Variants in INSC observed in about 807,000 individuals in gnomAD.
INSC encodes the protein protein inscuteable homolog.
Under a neutral mutation model 58.6 loss-of-function variants are expected in INSC, and 67 were observed. That is an observed-to-expected ratio of 1.14 (90% CI 0.94 to 1.40). The LOEUF is 1.40. INSC is among the 40% of genes most tolerant of loss of function. INSC has a pLI of 0.00. For synonymous variants in INSC, 262 were observed against 276.1 expected (o/e 0.95, Z 0.51); for missense variants, 714 against 692.0 (o/e 1.03, Z -0.36).
chr11:15,148,093 GT>G (rs1564869349), intron 1 of INSC, among the ~76,000 whole-genome samples: 1 of 152,152 alleles, frequency 6.6e-6, no homozygotes, highest in Non-Finnish European at 1.5e-5. Context: ...ATACAAACAG[GT>G]GGGTAGCTGG....
In INSC at chr11:15,203,440, C is replaced by T. The variant is rs186462402; in HGVS notation, c.819+2491C>T. Among the ~76,000 whole-genome samples the T allele has an allele frequency of 5.9e-5, 9 of 152,242 alleles. No individual in the cohort carries two copies. The East Asian group carries it at 1.7e-3, about 29-fold the overall frequency. ...AATAAGACTTACCCTGGTAAGAGCCCCTGAGTGATCAGAAATAACAACTAC... is the reference window on the plus strand; with the variant it reads ...AATAAGACTTACCCTGGTAAGAGCCTCTGAGTGATCAGAAATAACAACTAC... On this transcript the variant is annotated intron_variant, in intron 7 of 12. Transcript: ENST00000379556.
downstream of INSC, among the ~76,000 whole-genome samples, chr11:15,249,217 G>A (rs1435277921): frequency 6.6e-6 from 1 of 152,202 alleles, no homozygotes; most frequent in African/African-American, 2.4e-5. Flanking sequence ...GTAGAGATTG[G>A]ATCTGGGTAA....
At chr11:15,201,248 A>G (rs2133884292) in intron 7 of INSC, among the ~76,000 whole-genome samples, 1 of 151,792 alleles carries the variant, frequency 6.6e-6, no homozygotes, top group African/African-American at 2.4e-5. Context: ...GGAGGCAGGC[A>G]AGTCAGGTGT....
At chr11:15,170,623 C>T (rs750279275) in intron 2 of INSC, among the ~76,000 whole-genome samples, 5 of 152,146 alleles carry the variant, frequency 3.3e-5, no homozygotes, top group Non-Finnish European at 7.3e-5. Flanking sequence ...ATAGCGACTG[C>T]CAGGTTTCTC....
At chr11:15,126,379 C>T (rs60460691) in intron 1 of INSC, among the ~76,000 whole-genome samples, 1 of 152,176 alleles carries the variant, frequency 6.6e-6, no homozygotes, top group Non-Finnish European at 1.5e-5. Context: ...CCCTATAACT[C>T]GAAGCCACCT....
At chr11:15,203,764 G>A (rs1454152906) in intron 7 of INSC, among the ~76,000 whole-genome samples, 6 of 151,952 alleles carry the variant, frequency 3.9e-5, no homozygotes, top group Non-Finnish European at 8.8e-5. Context: ...GCAAGTTATG[G>A]TCCATGGGCT....
rs564255122 is a variant in INSC at position 15,232,652 on chromosome 11, G to GT, written c.1171-2946dup. Among the ~76,000 whole-genome samples, 586 of 152,218 alleles carry GT rather than the reference G, an allele frequency of 3.8e-3. 2 individuals carry two copies. Among genetic ancestry groups the GT allele is most frequent in the African/African-American group, 0.013 (558 of 41,538 alleles). ...TAAGTTACTTTATATAGCGACACGG[G>GT]TTTTCTAGATGCGATTGAGTTAAGA... On this transcript the variant is annotated intron_variant, in intron 9 of 12. Transcript: ENST00000379556.
At chr11:15,236,904 A>G (rs1259118955) in intron 10 of INSC, among the ~76,000 whole-genome samples, 1 of 152,236 alleles carries the variant, frequency 6.6e-6, no homozygotes, top group Non-Finnish European at 1.5e-5. Flanking sequence ...TTGAGCTAAT[A>G]ATGAGAAACT....
At chr11:15,143,226 A>G (rs116515401) in intron 1 of INSC, among the ~76,000 whole-genome samples, 316 of 152,326 alleles carry the variant, frequency 2.1e-3, no homozygotes, top group African/African-American at 6.5e-3. Flanking sequence ...TTTAATTACA[A>G]TTGTGATAAA....
intron 5 of INSC, among the ~76,000 whole-genome samples, chr11:15,183,280 G>A (rs1177160677): frequency 1.3e-5 from 2 of 150,938 alleles, no homozygotes; most frequent in African/African-American, 4.9e-5. Flanking sequence ...GAACTCAGGA[G>A]GCGGAGGTTG....
chr11:15,227,032 G>A (rs768358609), intron 9 of INSC, among the ~76,000 whole-genome samples: 25 of 152,188 alleles, frequency 1.6e-4, no homozygotes, highest in African/African-American at 4.8e-4. Flanking sequence ...AAGCATTTGC[G>A]TATGAGGGTT....
intron 12 of INSC, among the ~76,000 whole-genome samples, chr11:15,244,554 G>T (rs1304683183): frequency 1.3e-5 from 2 of 152,116 alleles, no homozygotes; most frequent in Admixed American, 1.3e-4. Context: ...CTTGTATCCT[G>T]GGGTTGCAGC....
At chr11:15,198,916 C>T (rs1850473037) in intron 6 of INSC, among the ~76,000 whole-genome samples, 1 of 152,090 alleles carries the variant, frequency 6.6e-6, no homozygotes, top group African/African-American at 2.4e-5. Flanking sequence ...GTGTCTGTCT[C>T]ATGCCAGACA....
chr11:15,203,769 T>C (rs1037867945), intron 7 of INSC, among the ~76,000 whole-genome samples: 2 of 152,088 alleles, frequency 1.3e-5, no homozygotes, highest in African/African-American at 2.4e-5. Context: ...TTATGGTCCA[T>C]GGGCTAAATT....
upstream of INSC, chr11:15,112,532 G>A: frequency 6.2e-7 from 1 of 1,610,540 alleles, no homozygotes; most frequent in Admixed American, 1.7e-5. Flanking sequence ...GGGGTCTATG[G>A]GGAGTCCAGG....
chr11:15,209,337 A>G lies in INSC; in HGVS notation c.819+8388A>G, dbSNP rs1589972332. Among the ~76,000 whole-genome samples, 3 of 152,218 alleles carry G rather than the reference A, an allele frequency of 2.0e-5. No individual in the cohort carries two copies. In the South Asian group the frequency reaches 6.2e-4, roughly 32 times the overall value. ...GCAGGTTGTGAAGATGATACAAGTC[A>G]ATGCTCCATAGATGTGAGTTATTTT... On this transcript the variant is annotated intron_variant, in intron 7 of 12. Transcript: ENST00000379556.
chr11:15,223,388 A>G (rs1370408259), intron 8 of INSC, among the ~76,000 whole-genome samples: 1 of 152,230 alleles, frequency 6.6e-6, no homozygotes, highest in Non-Finnish European at 1.5e-5. Flanking sequence ...TCTGAGATTC[A>G]GCAGATATCT....
intron 1 of INSC, among the ~76,000 whole-genome samples, chr11:15,135,290 T>C (rs1462611375): frequency 6.6e-6 from 1 of 152,264 alleles, no homozygotes; most frequent in African/African-American, 2.4e-5. Context: ...AAACAAGTCT[T>C]GATAAAACAG....
chr11:15,204,696 C>G (rs1341379467), intron 7 of INSC, among the ~76,000 whole-genome samples: 1 of 152,206 alleles, frequency 6.6e-6, no homozygotes. Flanking sequence ...GGGGCTCTTG[C>G]CAGCCACCCA....
Sources: allele counts gnomAD v4.1 joint callset (sites outside exome capture counted in the v4.1 genomes callset), GRCh38; gene constraint gnomAD v4.1.1; transcripts MANE v1.5; gene names NCBI Gene and HGNC (gene_info 2026-07-23, HGNC 2026-07-21).